The following NISCH variants were observed in gnomAD, a reference collection of about 807,000 sequenced individuals.
NISCH encodes the protein nischarin.
In NISCH, 55 loss-of-function variants were observed where a neutral mutation model predicts 138.4. That is an observed-to-expected ratio of 0.40 (90% CI 0.32 to 0.50). The LOEUF (loss-of-function observed/expected upper bound fraction) is 0.50. Among genes scored for constraint, NISCH ranks in the 20% least tolerant of loss-of-function variants. The pLI, the probability that NISCH is intolerant of heterozygous loss-of-function variation, is 0.71. For synonymous variants in NISCH, 860 were observed against 861.5 expected, an observed-to-expected ratio of 1.00 and a Z score of 0.03; for missense variants, 1,643 against 2,005.5, an observed-to-expected ratio of 0.82 and a Z score of 3.45.
rs975022660 is a variant in NISCH, at chr3:52,477,646, G to A, written c.987+4G>A. ...GCTGGTTGTGGACAATCTGCAGGTAGTGCCTTTGGAGACCAGTGCTGCCCG... is the reference window on the plus strand; with the variant it reads ...GCTGGTTGTGGACAATCTGCAGGTAATGCCTTTGGAGACCAGTGCTGCCCG... On this transcript the variant is annotated splice_donor_region_variant and intron_variant, in intron 9 of 20. Coordinates refer to ENST00000345716, the MANE Select transcript of NISCH (RefSeq NM_007184.4). The A allele has an allele frequency of 6.8e-6, 11 of 1,612,626 alleles. No individual in the cohort carries two copies. The highest frequency in any genetic ancestry group is 1.6e-4 in the Middle Eastern group (1 of 6,080).
At chr3:52,489,798 C>A in intron 17 of NISCH, 120 bp downstream of exon 17, 1 of 1,458,644 alleles carries the variant, frequency 6.9e-7, no homozygotes, top group Non-Finnish European at 9.1e-7. Context: ...CTCAGCTGAG[C>A]TGCTCACAGC....
intron 10 of NISCH, 62 bp from the exon 11 acceptor site, chr3:52,478,387 G>T (rs1219872020): frequency 1.2e-6 from 2 of 1,610,182 alleles, no homozygotes; most frequent in Non-Finnish European, 1.7e-6. Flanking sequence ...CATGAAACGT[G>T]TTGGCGTGTT....
chr3:52,492,418 C>T lies in NISCH; in HGVS notation c.4451C>T (p.Ser1484Leu), dbSNP rs1158599235. The T allele has an allele frequency of 3.1e-6, 5 of 1,612,720 alleles. No homozygotes were observed. The highest frequency in any genetic ancestry group is 2.2e-5 in the East Asian group (1 of 44,888). Reference sequence around the variant, plus strand: ...GCTGAGAGCAGAGAGAAGCTCATCTCGCTGTTGGCTCGCCAGTGGGAGGCC... The same window carrying T: ...GCTGAGAGCAGAGAGAAGCTCATCTTGCTGTTGGCTCGCCAGTGGGAGGCC... ...PSAESREKLISLLARQWEALC... is the reference protein window; with the variant it reads ...PSAESREKLILLLARQWEALC... Residue 1484 changes from serine to leucine, a missense_variant, in exon 21 of 21, where the codon TCG becomes TTG. Transcript: ENST00000345716.
At position 52,489,400 on chromosome 3, in the gene NISCH, G is replaced by C. The variant is rs750277990; in HGVS notation, c.3178G>C (p.Ala1060Pro). Residue 1060 changes from alanine (A) to proline (P), a missense_variant, in exon 17 of 21, where the codon GCT becomes CCT. Physicochemically the swap from Ala to Pro is conservative, Grantham distance 27. Transcript: ENST00000345716. ...ALAPAPAEVP[A>P]PAPAAASASG... ...GGCCCCGGCCCCAGCGGAAGTCCCA[G>C]CTCCAGCCCCTGCAGCAGCCTCAGC... 37 of 1,609,406 alleles carry C rather than the reference G, an allele frequency of 2.3e-5. No homozygotes were observed. The South Asian group carries it at 4.0e-4, about 17-fold the overall frequency.
At chr3:52,461,920 G>T (rs948710442) in intron 3 of NISCH, among the ~76,000 whole-genome samples, 42 of 152,110 alleles carry the variant, frequency 2.8e-4, no homozygotes, top group Admixed American at 8.5e-4. Context: ...GCCATTTAGG[G>T]ATGAAACCTG....
intron 13 of NISCH, chr3:52,480,750 C>A: frequency 7.0e-7 from 1 of 1,430,154 alleles, no homozygotes; most frequent in South Asian, 1.6e-5. Context: ...TGGGGTGACC[C>A]AGCCCCAGAA....
rs780826126 is a variant in NISCH at position 52,488,242 on chromosome 3, T to C, written c.2750T>C (p.Leu917Pro). 1.2e-6 allele frequency: 2 copies of C among 1,611,184 alleles called. No individual in the cohort carries two copies. The highest frequency in any genetic ancestry group is 8.5e-7 in the Non-Finnish European group (1 of 1,179,970). Residue 917 changes from leucine to proline, a missense_variant, in exon 16 of 21, where the codon CTC becomes CCC. Physicochemically the swap from Leu to Pro is moderately conservative, Grantham distance 98. Coordinates refer to ENST00000345716, the MANE Select transcript of NISCH (RefSeq NM_007184.4). ...TGGCTGTTGCTCACGCCCCAGCACCTCAACGTCATCAAGGCCGACTTCAAC... is the reference window on the plus strand; with the variant it reads ...TGGCTGTTGCTCACGCCCCAGCACCCCAACGTCATCAAGGCCGACTTCAAC... ...PYWLLLTPQH[L>P]NVIKADFNPM...
At chr3:52,458,460 G>A (rs1455994019) in intron 2 of NISCH, among the ~76,000 whole-genome samples, 1 of 152,158 alleles carries the variant, frequency 6.6e-6, no homozygotes, top group East Asian at 1.9e-4. Flanking sequence ...TCCTTGTCTA[G>A]AATTGTATTG....
rs145350144 is a variant in NISCH, at chr3:52,488,166, C to T, written c.2674C>T (p.Arg892Cys). 5 of 1,613,186 alleles carry T rather than the reference C, an allele frequency of 3.1e-6. No homozygotes were observed. The highest frequency in any genetic ancestry group is 1.3e-5 in the African/African-American group (1 of 74,924). ...ASCTLCSAVR[R>C]SCCAPSEAVK... Reference sequence around the variant, plus strand: ...CTGCACACTCTGTTCAGCCGTGCGGCGCTCCTGCTGCGCGCCCTCTGAGGC... The same window carrying T: ...CTGCACACTCTGTTCAGCCGTGCGGTGCTCCTGCTGCGCGCCCTCTGAGGC... Residue 892 changes from arginine to cysteine, a missense_variant, in exon 16 of 21, where the codon CGC (arginine) becomes TGC (cysteine). Arg to Cys is a radical substitution (Grantham distance 180). Transcript: ENST00000345716.
rs1262555861 is a variant in NISCH, at chr3:52,492,084, C to T, written c.4117C>T (p.Leu1373Phe). Residue 1373 changes from leucine (L) to phenylalanine (F), a missense_variant, in exon 21 of 21, where the codon CTC (leucine) becomes TTC (phenylalanine). By Grantham distance (22) the Leu-to-Phe change is conservative. Transcript: ENST00000345716. Reference sequence around the variant, plus strand: ...CAGGGGCCCCCTGCGCCCCAAGACACTCCTGCTCACCAGCTCCGAGATCTT... The same window carrying T: ...CAGGGGCCCCCTGCGCCCCAAGACATTCCTGCTCACCAGCTCCGAGATCTT... ...CCRGPLRPKT[L>F]LLTSSEIFLL... 4 of 1,613,040 alleles carry T rather than the reference C, an allele frequency of 2.5e-6. No individual in the cohort carries two copies. The highest frequency in any genetic ancestry group is 1.3e-5 in the African/African-American group (1 of 74,954).
chr3:52,480,941 C>A (rs752136216), intron 13 of NISCH: 3 of 1,527,624 alleles, frequency 2.0e-6, no homozygotes, highest in Non-Finnish European at 2.6e-6. Flanking sequence ...CCGGCCCCCA[C>A]GGAAGAGGGG....
chr3:52,484,509 C>T lies in NISCH; in HGVS notation c.1529-4C>T, dbSNP rs1313619060. 4.2e-6 allele frequency: 6 copies of T among 1,424,622 alleles called. No individual in the cohort carries two copies. Among genetic ancestry groups the T allele is most frequent in the African/African-American group, 1.5e-5 (1 of 66,802 alleles). The allele number at this position is 1,424,622 out of a possible 1,614,324, so 88.2% of individuals were successfully genotyped here. ...TGCCTGCCCACCCGCCCTGGTCTCT[C>T]CAGGAATCATGTTCGTTCAGGAGGA... On this transcript the variant is annotated splice_polypyrimidine_tract_variant and splice_region_variant and intron_variant, in intron 13 of 20. Coordinates refer to ENST00000345716, the MANE Select transcript of NISCH (RefSeq NM_007184.4).
At chr3:52,466,999 C>CT (rs11457136) in intron 3 of NISCH, among the ~76,000 whole-genome samples, 84,283 of 122,726 alleles carry the variant, frequency 0.69, 31,248 homozygotes, top group East Asian at 0.95. Context: ...GTTTCTTTTT[C>CT]TTTTTTTTTT....
intron 16 of NISCH, among the ~76,000 whole-genome samples, chr3:52,489,045 G>A (rs948507943): frequency 1.3e-5 from 2 of 152,194 alleles, no homozygotes; most frequent in African/African-American, 4.8e-5. Flanking sequence ...TGTGGGCCAG[G>A]ATCTGCCTTA....
rs771546481 is a variant in NISCH at position 52,487,944 on chromosome 3, A to G, written c.2452A>G (p.Met818Val). ...RSCFAPQHMA[M>V]LCSPILYGSH... ...ATGCTTTGCACCCCAGCACATGGCC[A>G]TGCTGTGTAGCCCCATCCTCTACGG... The change falls in exon 16 of 21, where the codon ATG (methionine) becomes GTG (valine). Residue 818 changes from methionine to valine, a missense_variant. Coordinates refer to ENST00000345716, the MANE Select transcript of NISCH (RefSeq NM_007184.4). The surrounding 1 kb of genome is among the most constrained non-coding windows in gnomAD (Gnocchi z 9.1). 12 of 1,611,748 alleles carry G rather than the reference A, an allele frequency of 7.4e-6. No homozygotes were observed. Among genetic ancestry groups the G allele is most frequent in the Admixed American group, 5.0e-5 (3 of 59,954 alleles).
Position 52,487,909 on chromosome 3 carries a change from A to G in NISCH, c.2417A>G (p.Asp806Gly). Residue 806 changes from aspartate to glycine, a missense_variant, in exon 16 of 21, where the codon GAC (aspartate) becomes GGC (glycine). By Grantham distance (94) the Asp-to-Gly change is moderately conservative. Coordinates refer to ENST00000345716, the MANE Select transcript of NISCH (RefSeq NM_007184.4). This position sits in a 1 kb window ranked among gnomAD's most constrained non-coding sequence, Gnocchi z 9.1. ...GCCAACCTGCACGAGTTCCACGCGG[A>G]CCTGCGCTCATGCTTTGCACCCCAG... is the stretch of plus-strand genomic sequence containing the variant. ...DAANLHEFHA[D>G]LRSCFAPQHM... The G allele has an allele frequency of 6.2e-7, 1 of 1,611,686 alleles. No homozygotes were observed. The highest frequency in any genetic ancestry group is 8.5e-7 in the Non-Finnish European group (1 of 1,179,892).
At chr3:52,468,650 G>A (rs1340877643) in intron 3 of NISCH, among the ~76,000 whole-genome samples, 1 of 152,022 alleles carries the variant, frequency 6.6e-6, no homozygotes, top group Non-Finnish European at 1.5e-5. Context: ...TGTGCCTGCC[G>A]TGCCCCTCTC....
Position 52,490,844 on chromosome 3 carries a change from C to T in NISCH, c.3742+11C>T, listed in dbSNP as rs374372112. 98 of 1,613,840 alleles carry T rather than the reference C, an allele frequency of 6.1e-5. No individual in the cohort carries two copies. Among genetic ancestry groups the T allele is most frequent in the Non-Finnish European group, 8.1e-5 (95 of 1,179,880 alleles). On this transcript the variant is annotated intron_variant, in intron 19 of 20. Coordinates refer to ENST00000345716, the MANE Select transcript of NISCH (RefSeq NM_007184.4). Reference sequence around the variant, plus strand: ...ATTTCCGGCTGACGGGTGGGTGACCCTCTGTGCTTTGTCCTATTTCGGGTG... The same window carrying T: ...ATTTCCGGCTGACGGGTGGGTGACCTTCTGTGCTTTGTCCTATTTCGGGTG...
chr3:52,471,778 G>T, intron 4 of NISCH, 36 bp from the exon 5 acceptor site: 1 of 1,612,978 alleles, frequency 6.2e-7, no homozygotes. Context: ...TGGGGCTGCG[G>T]CTGGACACTT....
Sources: gnomAD v4.1 joint callset for allele counts (sites outside exome capture counted in the v4.1 genomes callset) on GRCh38, gnomAD v4.1.1 for gene constraint, Gnocchi (gnomAD v3.1) non-coding constraint, MANE v1.5 for transcripts, NCBI Gene and HGNC (gene_info 2026-07-23, HGNC 2026-07-21) for gene names.